The following CADM2 variants were observed in gnomAD, a reference collection of about 807,000 sequenced individuals.
CADM2 encodes the protein cell adhesion molecule 2, also known as immunoglobulin superfamily member 4D.
CADM2 carries 12 observed loss-of-function variants against 49.8 expected under a neutral mutation model. The observed-to-expected ratio is 0.24, with a 90% confidence interval of 0.15 to 0.39. The LOEUF (loss-of-function observed/expected upper bound fraction) is 0.39. Among genes scored for constraint, CADM2 ranks in the 10% least tolerant of loss-of-function variants. The pLI, the probability that CADM2 is intolerant of heterozygous loss-of-function variation, is 1.00. For missense variants in CADM2, 378 were observed against 492.3 expected (o/e 0.77, Z 2.20); for synonymous variants, 214 against 175.4 (o/e 1.22, Z -1.74).
intron 1 of CADM2, among the ~76,000 whole-genome samples, chr3:85,455,518 C>T (rs375150449): frequency 2.5e-4 from 38 of 152,252 alleles, no homozygotes; most frequent in African/African-American, 8.7e-4. Flanking sequence ...GAACATAAAC[C>T]TAAGGCCTGG....
intron 1 of CADM2, among the ~76,000 whole-genome samples, chr3:85,243,631 C>T (rs115963358): frequency 2.0e-5 from 3 of 151,920 alleles, no homozygotes; most frequent in African/African-American, 7.2e-5. Context: ...ATTAAGTGGT[C>T]CAGATGGAGT....
At chr3:85,596,237 T>C (rs1399228116) in intron 1 of CADM2, among the ~76,000 whole-genome samples, 2 of 151,902 alleles carry the variant, frequency 1.3e-5, no homozygotes, top group African/African-American at 2.4e-5. Context: ...ATCTTATGAA[T>C]CATACTACCT....
chr3:85,539,028 C>T (rs1013423791), intron 1 of CADM2, among the ~76,000 whole-genome samples: 6 of 151,832 alleles, frequency 4.0e-5, no homozygotes, highest in African/African-American at 1.5e-4. Flanking sequence ...TTTGCCTTCC[C>T]TTATACAGGG....
chr3:84,975,271 A>G (rs1044958063), intron 1 of CADM2, among the ~76,000 whole-genome samples: 1 of 151,808 alleles, frequency 6.6e-6, no homozygotes, highest in South Asian at 2.1e-4. Context: ...CTCTCCATCT[A>G]TATTTAGTAC....
chr3:85,895,324 C>G (rs1463064541), intron 5 of CADM2, among the ~76,000 whole-genome samples: 1 of 152,210 alleles, frequency 6.6e-6, no homozygotes, highest in African/African-American at 2.4e-5. Context: ...TAAGATTTGG[C>G]TGTCCTGCCA....
chr3:85,889,898 G>A (rs1714188657), intron 5 of CADM2, among the ~76,000 whole-genome samples: 1 of 152,138 alleles, frequency 6.6e-6, no homozygotes, highest in South Asian at 2.1e-4. Context: ...TTGTGCAGAA[G>A]TAGCAGATAT....
chr3:85,174,357 G>A (rs1009807581), intron 1 of CADM2, among the ~76,000 whole-genome samples: 2 of 151,844 alleles, frequency 1.3e-5, no homozygotes, highest in Admixed American at 1.3e-4. Flanking sequence ...TTTTTAATTT[G>A]CTTTTTAGCG....
At chr3:85,169,588 A>G (rs1412538722) in intron 1 of CADM2, among the ~76,000 whole-genome samples, 2 of 151,976 alleles carry the variant, frequency 1.3e-5, no homozygotes, top group Non-Finnish European at 2.9e-5. Context: ...CCTGGCCAAC[A>G]TGGTGAAATC....
At chr3:85,309,568 G>A (rs2044294260) in intron 1 of CADM2, among the ~76,000 whole-genome samples, 1 of 152,114 alleles carries the variant, frequency 6.6e-6, no homozygotes, top group Admixed American at 6.6e-5. Context: ...GTAAATATTA[G>A]CTATTATTTT....
At chr3:85,804,966 C>A (rs968739261) in intron 3 of CADM2, among the ~76,000 whole-genome samples, 5 of 151,852 alleles carry the variant, frequency 3.3e-5, no homozygotes, top group African/African-American at 1.2e-4. Flanking sequence ...TGTTTTGGGA[C>A]AGGGTCTCAT....
chr3:85,270,509 G>C (rs2043216199), intron 1 of CADM2, among the ~76,000 whole-genome samples: 1 of 151,298 alleles, frequency 6.6e-6, no homozygotes, highest in Admixed American at 6.6e-5. Flanking sequence ...ATTTTATTAG[G>C]TTCCCTTTTA....
chr3:86,031,665 G>C (rs1734572214), intron 8 of CADM2, among the ~76,000 whole-genome samples: 1 of 151,630 alleles, frequency 6.6e-6, no homozygotes, highest in Non-Finnish European at 1.5e-5. Flanking sequence ...CAAAAGAATA[G>C]CTCATAGATA....
At chr3:85,082,216 A>G (rs1017510180) in intron 1 of CADM2, among the ~76,000 whole-genome samples, 1 of 152,200 alleles carries the variant, frequency 6.6e-6, no homozygotes, top group African/African-American at 2.4e-5. Context: ...AATCCAAGGC[A>G]GCAAAGAAGC....
intron 2 of CADM2, among the ~76,000 whole-genome samples, chr3:85,776,182 A>G (rs1342439248): frequency 6.6e-6 from 1 of 151,962 alleles, no homozygotes; most frequent in Non-Finnish European, 1.5e-5. Context: ...CAGGGAAAAC[A>G]AATCACTCAT....
At chr3:85,228,603 G>A (rs948262352) in intron 1 of CADM2, among the ~76,000 whole-genome samples, 4 of 151,802 alleles carry the variant, frequency 2.6e-5, no homozygotes, top group African/African-American at 9.7e-5. Context: ...AGAGTTTGCT[G>A]GAGGCCCCCT....
chr3:85,574,115 G>A (rs1174906448), intron 1 of CADM2, among the ~76,000 whole-genome samples: 4 of 152,106 alleles, frequency 2.6e-5, no homozygotes, highest in East Asian at 1.9e-4. Flanking sequence ...TAGGTTGAAG[G>A]GTTAACATTT....
At chr3:85,648,133 C>G (rs1577012087) in intron 1 of CADM2, among the ~76,000 whole-genome samples, 1 of 151,998 alleles carries the variant, frequency 6.6e-6, no homozygotes, top group African/African-American at 2.4e-5. Context: ...TTGACAGAGA[C>G]AAAGCCAGTT....
intron 1 of CADM2, among the ~76,000 whole-genome samples, chr3:85,462,056 T>C (rs1321576291): frequency 6.6e-6 from 1 of 152,126 alleles, no homozygotes; most frequent in Non-Finnish European, 1.5e-5. Context: ...AGGTTACCAC[T>C]GTCTGACAAA....
chr3:85,053,839 A>G (rs1303385465), intron 1 of CADM2, among the ~76,000 whole-genome samples: 1 of 151,922 alleles, frequency 6.6e-6, no homozygotes, highest in Non-Finnish European at 1.5e-5. Context: ...TGCCACCCTC[A>G]TGTTTAATTA....
Sources: gnomAD v4.1 joint callset for allele counts (sites outside exome capture counted in the v4.1 genomes callset) on GRCh38, gnomAD v4.1.1 for gene constraint, MANE v1.5 for transcripts, NCBI Gene and HGNC (gene_info 2026-07-23, HGNC 2026-07-21) for gene names.